The following SPECC1 variants were observed in gnomAD, a reference collection of about 807,000 sequenced individuals.
SPECC1 encodes the protein sperm antigen with calponin homology and coiled-coil domains 1, also known as cytospin-B.
In SPECC1, 62 loss-of-function variants were observed where a neutral mutation model predicts 104.1. The observed-to-expected ratio is 0.60, with a 90% CI of 0.49 to 0.74. The LOEUF is 0.74. Among genes scored for constraint, SPECC1 ranks in the 30% least tolerant of loss-of-function variants. The pLI is 0.00. For synonymous variants in SPECC1, 513 were observed against 501.6 expected (o/e 1.02, Z -0.30); for missense variants, 1,306 against 1,310.5 (o/e 1.00, Z 0.05).
intron 3 of SPECC1, among the ~76,000 whole-genome samples, chr17:20,117,996 T>C (rs1453981236): frequency 3.3e-5 from 5 of 151,912 alleles, no homozygotes; most frequent in Admixed American, 2.0e-4. Flanking sequence ...TCCCAGCTAG[T>C]TGGGAGACAG....
intron 14 of SPECC1, among the ~76,000 whole-genome samples, chr17:20,307,494 G>A (rs2041802831): frequency 6.6e-6 from 1 of 152,180 alleles, no homozygotes; most frequent in Non-Finnish European, 1.5e-5. Context: ...AAGAATGAAA[G>A]TGAAAGGCTC....
intron 3 of SPECC1, among the ~76,000 whole-genome samples, chr17:20,189,146 G>A (rs1162631226): frequency 4.6e-5 from 7 of 152,110 alleles, no homozygotes; most frequent in Admixed American, 1.3e-4. Context: ...AAGGCTGCAC[G>A]TGAATATGGC....
intron 13 of SPECC1, among the ~76,000 whole-genome samples, chr17:20,299,361 C>T (rs1037252108): frequency 6.7e-6 from 1 of 150,336 alleles, no homozygotes; most frequent in Middle Eastern, 3.4e-3. Context: ...TAAGACCAGC[C>T]TAGGCAACAT....
rs1299734071 is a variant in SPECC1, at chr17:20,212,698, A to G, written c.1863+6786A>G. On this transcript the variant is annotated intron_variant, in intron 4 of 14. Coordinates refer to ENST00000395527, the MANE Select transcript of SPECC1 (RefSeq NM_001243439.2). ...TCATGGTAAATTTACTCAAGCTGTC[A>G]TTCCAAGTTTATTTCCTTTTAAACT... Among the ~76,000 whole-genome samples, 40 of 152,206 alleles carry G rather than the reference A, an allele frequency of 2.6e-4. 1 individual carries two copies. Among genetic ancestry groups the G allele is most frequent in the Non-Finnish European group, 5.9e-5 (4 of 68,044 alleles).
chr17:20,196,439 A>C lies in SPECC1; in HGVS notation c.284-7894A>C, dbSNP rs2036039990. Among the ~76,000 whole-genome samples the C allele has an allele frequency of 2.8e-5, 4 of 145,162 alleles. No individual in the cohort carries two copies. The South Asian group carries it at 8.9e-4, about 32-fold the overall frequency. On this transcript the variant is annotated intron_variant, in intron 3 of 14. Transcript: ENST00000395527. The stretch of plus-strand genomic sequence containing the variant: ...TCCACATGTCCCCAGGCCTTACCTT[A>C]CTTAAGCAGGCAAGTTATACAGTAA...
At chr17:20,101,432 T>C (rs1219334547) in intron 2 of SPECC1, among the ~76,000 whole-genome samples, 1 of 152,248 alleles carries the variant, frequency 6.6e-6, no homozygotes, top group Non-Finnish European at 1.5e-5. Context: ...ATGAGCTTTT[T>C]TTCATGTTTG....
At chr17:20,242,378 G>A (rs760478415) in intron 7 of SPECC1, among the ~76,000 whole-genome samples, 1 of 152,220 alleles carries the variant, frequency 6.6e-6, no homozygotes, top group Admixed American at 6.5e-5. Flanking sequence ...AAGGCAGACC[G>A]ACATTCAGTG....
chr17:20,210,648 G>A (rs533741307), intron 4 of SPECC1, among the ~76,000 whole-genome samples: 108 of 152,330 alleles, frequency 7.1e-4, no homozygotes, highest in African/African-American at 1.9e-3. Context: ...AGGTGGGGGT[G>A]GCTTTTGGTG....
At chr17:20,283,862 T>TC (rs2040856426) in intron 12 of SPECC1, among the ~76,000 whole-genome samples, 1 of 152,198 alleles carries the variant, frequency 6.6e-6, no homozygotes, top group African/African-American at 2.4e-5. Flanking sequence ...GTGCTAGGAT[T>TC]ATAGGCATGA....
intron 1 of SPECC1, among the ~76,000 whole-genome samples, chr17:20,018,651 C>T (rs8079093): frequency 0.069 from 10,509 of 152,214 alleles, 989 homozygotes; most frequent in African/African-American, 0.21. Flanking sequence ...GGTGTACTCA[C>T]GGCTGTAATT....
chr17:20,105,814 A>C (rs1318249454), intron 2 of SPECC1, among the ~76,000 whole-genome samples: 1 of 152,168 alleles, frequency 6.6e-6, no homozygotes, highest in African/African-American at 2.4e-5. Flanking sequence ...CCCAGGAACC[A>C]ACCCCTTATG....
intron 1 of SPECC1, among the ~76,000 whole-genome samples, chr17:20,035,170 C>G (rs2045015001): frequency 6.6e-6 from 1 of 152,224 alleles, no homozygotes; most frequent in South Asian, 2.1e-4. Flanking sequence ...GTCAATATCA[C>G]AGTCTTGATT....
chr17:20,318,546 T>C lies in SPECC1; in HGVS notation c.*4481T>C. 2 of 228,740 alleles carry C rather than the reference T, an allele frequency of 8.7e-6. No individual in the cohort carries two copies. Among genetic ancestry groups the C allele is most frequent in the Non-Finnish European group, 1.7e-5 (2 of 115,450 alleles). 14.2% of individuals were successfully genotyped at this position (228,740 alleles called of 1,614,324 possible). A position where few individuals can be genotyped will look rare whatever the true frequency, so the allele number is the denominator to read the frequency against. The stretch of plus-strand genomic sequence containing the variant: ...AAACGTTACGGAGACTCCCTTAGCC[T>C]CCCCCTCCTCTTCCCCACTGAGGGG... On this transcript the variant is annotated 3_prime_UTR_variant, in exon 15 of 15. Transcript: ENST00000395527.
chr17:20,282,491 C>G (rs559292238), intron 12 of SPECC1, among the ~76,000 whole-genome samples: 2 of 152,202 alleles, frequency 1.3e-5, no homozygotes, highest in African/African-American at 4.8e-5. Flanking sequence ...AATGCAATTC[C>G]GATTAAAATC....
intron 1 of SPECC1, among the ~76,000 whole-genome samples, chr17:20,049,290 G>A (rs923267549): frequency 6.6e-6 from 1 of 152,096 alleles, no homozygotes; most frequent in Non-Finnish European, 1.5e-5. Context: ...GTTTTATTTT[G>A]CATTTCCTGT....
chr17:20,058,362 G>C (rs2046046577), intron 1 of SPECC1, among the ~76,000 whole-genome samples: 1 of 152,176 alleles, frequency 6.6e-6, no homozygotes, highest in East Asian at 1.9e-4. Context: ...GGGTACAGTG[G>C]CTCATGCTTG....
chr17:20,299,286 G>A (rs1021887125), intron 13 of SPECC1, among the ~76,000 whole-genome samples: 3 of 151,928 alleles, frequency 2.0e-5, no homozygotes, highest in African/African-American at 7.2e-5. Context: ...ATGTGTGGGG[G>A]CTCATACTTG....
At chr17:20,148,219 T>C (rs2031644790) in intron 3 of SPECC1, among the ~76,000 whole-genome samples, 1 of 152,206 alleles carries the variant, frequency 6.6e-6, no homozygotes, top group Admixed American at 6.5e-5. Context: ...TGAAGATTTT[T>C]GGTAATATGA....
intron 3 of SPECC1, among the ~76,000 whole-genome samples, chr17:20,149,119 A>G (rs2031749225): frequency 6.6e-6 from 1 of 152,204 alleles, no homozygotes. Context: ...ATATAGCTGT[A>G]TTATATTTTA....
Sources: gnomAD v4.1 joint callset for allele counts (sites outside exome capture counted in the v4.1 genomes callset) on GRCh38, gnomAD v4.1.1 for gene constraint, MANE v1.5 for transcripts, NCBI Gene and HGNC (gene_info 2026-07-23, HGNC 2026-07-21) for gene names.